ABLIM1: variants seen among roughly 807,000 people sequenced by gnomAD.
The protein encoded by ABLIM1 is actin binding LIM protein 1.
ABLIM1 carries 40 observed loss-of-function variants against 107.0 expected under a neutral mutation model. The ratio of observed to expected loss-of-function variants is 0.37; its 90% confidence interval spans 0.29 to 0.49. The LOEUF is 0.49. ABLIM1 is among the 20% of genes least tolerant of loss of function. ABLIM1 has a pLI of 0.97. For synonymous variants in ABLIM1, 357 were observed against 357.3 expected, an observed-to-expected ratio of 1.00 and a Z score of 0.01; for missense variants, 857 against 1,008.5, an observed-to-expected ratio of 0.85 and a Z score of 2.04.
chr10:114,719,834 T>C (rs1275342447), intron 1 of ABLIM1, among the ~76,000 whole-genome samples: 1 of 152,204 alleles, frequency 6.6e-6, no homozygotes, highest in Admixed American at 6.5e-5. Context: ...TGCCTTTTCC[T>C]CCATTCCTTC....
intron 1 of ABLIM1, among the ~76,000 whole-genome samples, chr10:114,679,853 C>T (rs1023375238): frequency 6.6e-6 from 1 of 152,120 alleles, no homozygotes; most frequent in Non-Finnish European, 1.5e-5. Context: ...AAGACACTAT[C>T]TGCCTTTTAA....
chr10:114,565,745 C>T (rs1456312926), intron 4 of ABLIM1, among the ~76,000 whole-genome samples: 1 of 149,370 alleles, frequency 6.7e-6, no homozygotes, highest in Non-Finnish European at 1.5e-5. Context: ...ATGTCTGCCT[C>T]CCCTTTGGAA....
chr10:114,549,529 T>C (rs2067788898), intron 4 of ABLIM1, among the ~76,000 whole-genome samples: 1 of 151,926 alleles, frequency 6.6e-6, no homozygotes, highest in Non-Finnish European at 1.5e-5. Flanking sequence ...TTCTTTTTCT[T>C]TTTTTTTAAT....
chr10:114,738,198 G>A (rs1286465595), intron 1 of ABLIM1, among the ~76,000 whole-genome samples: 2 of 152,114 alleles, frequency 1.3e-5, no homozygotes, highest in South Asian at 4.1e-4. Context: ...ACAGGCACGT[G>A]CCACCGTGTC....
exon 1 of ABLIM1, chr10:114,684,387 T>G (rs768123878): frequency 1.9e-4 from 304 of 1,613,510 alleles, no homozygotes; most frequent in Non-Finnish European, 2.3e-4. Flanking sequence ...TTTTCTTCAC[T>G]AGGCATCTGG....
chr10:114,798,569 G>A, the ABLIM1 span, among the ~76,000 whole-genome samples: 7 of 94,874 alleles, frequency 7.4e-5, no homozygotes, highest in South Asian at 3.9e-4. Flanking sequence ...CCCCCCCCAT[G>A]TCTACAAAAA....
At chr10:114,768,403 G>C (rs1458872585), upstream of ABLIM1, among the ~76,000 whole-genome samples, 1 of 151,288 alleles carries the variant, frequency 6.6e-6, no homozygotes, top group Non-Finnish European at 1.5e-5. Flanking sequence ...CCCGAGGAAC[G>C]AGGGTCTGCG....
chr10:114,769,938 A>G (rs1415662927), upstream of ABLIM1, among the ~76,000 whole-genome samples: 1 of 152,054 alleles, frequency 6.6e-6, no homozygotes, highest in African/African-American at 2.4e-5. Context: ...AGTTGCTTCA[A>G]TCTCAAAACA....
In ABLIM1 at chr10:114,440,078, A is replaced by C; in HGVS notation, c.2067+4T>G. ...CAATTCAAGAAAGACAAAGTGTTCC[A>C]TACCTGGTAATCTGAAAAGGAAAGG... is the stretch of plus-strand genomic sequence containing the variant. On this transcript the variant is annotated splice_donor_region_variant and intron_variant, in intron 20 of 22. Transcript: ENST00000533213. 5 of 1,613,842 alleles carry C rather than the reference A, an allele frequency of 3.1e-6. No homozygotes were observed. Among genetic ancestry groups the C allele is most frequent in the Non-Finnish European group, 4.2e-6 (5 of 1,179,980 alleles).
chr10:114,451,231 T>C (rs1445613635), intron 14 of ABLIM1, among the ~76,000 whole-genome samples: 3 of 152,186 alleles, frequency 2.0e-5, no homozygotes, highest in Non-Finnish European at 4.4e-5. Context: ...GTCAAATTAG[T>C]TTTTCTAGGT....
chr10:114,506,438 G>A (rs983750053), intron 6 of ABLIM1, among the ~76,000 whole-genome samples: 6 of 152,184 alleles, frequency 3.9e-5, no homozygotes, highest in Non-Finnish European at 8.8e-5. Context: ...GAATCTACAT[G>A]CTGCTTTCTA....
At chr10:114,505,227 T>G (rs1158763917) in intron 6 of ABLIM1, among the ~76,000 whole-genome samples, 1 of 152,182 alleles carries the variant, frequency 6.6e-6, no homozygotes, top group Non-Finnish European at 1.5e-5. Context: ...GCCCTAACAC[T>G]CAAGGTCAAA....
intron 6 of ABLIM1, among the ~76,000 whole-genome samples, chr10:114,535,297 A>G (rs1481693348): frequency 2.0e-5 from 3 of 152,118 alleles, no homozygotes; most frequent in Non-Finnish European, 4.4e-5. Flanking sequence ...AGAGGGAAAG[A>G]GCCTAGAATA....
chr10:114,641,124 A>G (rs2497684), intron 1 of ABLIM1, among the ~76,000 whole-genome samples: 1 of 151,806 alleles, frequency 6.6e-6, no homozygotes, highest in African/African-American at 2.4e-5. Flanking sequence ...GTATAAGGAG[A>G]CTTTTAATAA....
At chr10:114,516,088 T>C in intron 6 of ABLIM1, among the ~76,000 whole-genome samples, 1 of 146,756 alleles carries the variant, frequency 6.8e-6, no homozygotes, top group East Asian at 2.2e-4. Context: ...GGTGAGCAGG[T>C]ATCAATTTTA....
At chr10:114,794,770 G>C in the ABLIM1 span, among the ~76,000 whole-genome samples, 3 of 152,150 alleles carry the variant, frequency 2.0e-5, no homozygotes, top group South Asian at 4.1e-4. Flanking sequence ...TCAAGGAAGT[G>C]AAAATTGTCT....
chr10:114,440,054 A>C (rs1475170441), intron 20 of ABLIM1, 28 bp downstream of exon 20: 1 of 1,613,928 alleles, frequency 6.2e-7, no homozygotes, highest in Non-Finnish European at 8.5e-7. Context: ...CGGTGTGGCC[A>C]ATTCAAGAAA....
intron 1 of ABLIM1, among the ~76,000 whole-genome samples, chr10:114,680,569 G>C (rs1217844850): frequency 2.0e-5 from 3 of 152,228 alleles, no homozygotes; most frequent in Admixed American, 1.3e-4. Flanking sequence ...AATGGTTTCT[G>C]AGGACAAGAG....
chr10:114,470,897 G>T (rs962011040), intron 10 of ABLIM1, among the ~76,000 whole-genome samples: 3 of 149,552 alleles, frequency 2.0e-5, no homozygotes, highest in Non-Finnish European at 2.9e-5. Context: ...GCTTTGTTTT[G>T]TTTTTGAGAC....
Sources: allele counts gnomAD v4.1 joint callset (sites outside exome capture counted in the v4.1 genomes callset), GRCh38; gene constraint gnomAD v4.1.1; transcripts MANE v1.5; gene names NCBI Gene and HGNC (gene_info 2026-07-23, HGNC 2026-07-21).